The following EPHA6 variants were observed in gnomAD, a reference collection of about 807,000 sequenced individuals.
EPHA6 encodes EPH receptor A6.
EPHA6 carries 50 observed loss-of-function variants against 112.0 expected under a neutral mutation model. That is an observed-to-expected ratio of 0.45 (90% CI 0.36 to 0.56). The LOEUF is 0.56. EPHA6 is among the 20% of genes least tolerant of loss of function. EPHA6 has a pLI of 0.00. For synonymous variants in EPHA6, 529 were observed against 490.7 expected (o/e 1.08, Z -1.03); for missense variants, 1,280 against 1,417.4 (o/e 0.90, Z 1.56).
At chr3:97,173,783 T>C (rs2076760285) in intron 3 of EPHA6, among the ~76,000 whole-genome samples, 1 of 151,836 alleles carries the variant, frequency 6.6e-6, no homozygotes, top group Non-Finnish European at 1.5e-5. Flanking sequence ...TATATAGTTA[T>C]AAAGTACATG....
intron 5 of EPHA6, among the ~76,000 whole-genome samples, chr3:97,382,112 C>T (rs114137081): frequency 0.012 from 1,787 of 152,054 alleles, 36 homozygotes; most frequent in African/African-American, 0.04. Flanking sequence ...CTATTGTATG[C>T]ATGATGAGCA....
At chr3:97,274,699 G>T (rs1228693610) in intron 5 of EPHA6, among the ~76,000 whole-genome samples, 2 of 152,142 alleles carry the variant, frequency 1.3e-5, no homozygotes, top group African/African-American at 4.8e-5. Flanking sequence ...CTGGTGAGTG[G>T]CAATTAGGCC....
chr3:97,619,492 T>C (rs1273521076), intron 13 of EPHA6, among the ~76,000 whole-genome samples: 1 of 151,026 alleles, frequency 6.6e-6, no homozygotes, highest in Non-Finnish European at 1.5e-5. Context: ...TGTTTGTAGA[T>C]TACATGATCC....
intron 2 of EPHA6, among the ~76,000 whole-genome samples, chr3:96,876,691 A>C (rs926927086): frequency 6.6e-6 from 1 of 152,016 alleles, no homozygotes; most frequent in Non-Finnish European, 1.5e-5. Flanking sequence ...CCTTTTTGGT[A>C]GTTTCTTCCA....
At chr3:97,643,239 G>T (rs1237800701) in intron 14 of EPHA6, among the ~76,000 whole-genome samples, 2 of 149,142 alleles carry the variant, frequency 1.3e-5, no homozygotes, top group African/African-American at 4.9e-5. Context: ...ACAAGCAAAT[G>T]CTGAGAGATT....
intron 6 of EPHA6, among the ~76,000 whole-genome samples, chr3:97,438,233 A>G (rs902966770): frequency 1.3e-5 from 2 of 152,202 alleles, no homozygotes; most frequent in African/African-American, 4.8e-5. Context: ...CAGACGGGAA[A>G]GTTAAAACTG....
In EPHA6 at chr3:97,448,690, T is replaced by C. The variant is rs1458839052; in HGVS notation, c.1854T>C (p.Ser618=). The part of the protein sequence containing the change: ...HIRVRTATGY[S]GYSQKFEFET... ...GAGTGAGAACTGCGACAGGATACAG[T>C]GGCTACAGTCAGAAATTTGAATTTG... Residue 618 remains serine (S), a synonymous_variant, in exon 7 of 18, where the codon AGT becomes AGC. Transcript: ENST00000389672. The C allele has an allele frequency of 2.5e-6, 4 of 1,613,392 alleles. No homozygotes were observed. Among genetic ancestry groups the C allele is most frequent in the African/African-American group, 2.7e-5 (2 of 74,894 alleles).
intron 2 of EPHA6, among the ~76,000 whole-genome samples, chr3:96,879,115 T>A (rs981445276): frequency 2.6e-5 from 4 of 152,094 alleles, no homozygotes; most frequent in African/African-American, 9.7e-5. Flanking sequence ...GTTTTCATTA[T>A]TTCACTGAAA....
At position 96,987,979 on chromosome 3, in the gene EPHA6, AG is replaced by A; in HGVS notation, c.1103del (p.Gly368ValfsTer28). 1 of 1,565,740 alleles carries A rather than the reference AG, an allele frequency of 6.4e-7. No homozygotes were observed. The stretch of plus-strand genomic sequence containing the variant: ...TGCAGTACAGGATATGAAGAAATTG[AG>A]GGTTCTTGCCATGGTAAGAAACAAA... The part of the protein sequence containing the change: ...CICSTGYEEI[E>X]GSCHACRPGF... On this transcript the variant is annotated frameshift_variant, in exon 3 of 18. Coordinates refer to ENST00000389672, the MANE Select transcript of EPHA6 (RefSeq NM_001080448.3). LOFTEE classifies it high-confidence loss of function.
intron 15 of EPHA6, among the ~76,000 whole-genome samples, chr3:97,724,935 G>A (rs2034692338): frequency 6.6e-6 from 1 of 151,904 alleles, no homozygotes; most frequent in South Asian, 2.1e-4. Flanking sequence ...ACAATACTGT[G>A]TGAAAACACA....
rs547954598 is a variant in EPHA6, at chr3:97,344,913, G to A, written c.1607-60237G>A. On this transcript the variant is annotated intron_variant, in intron 5 of 17. Coordinates refer to ENST00000389672, the MANE Select transcript of EPHA6 (RefSeq NM_001080448.3). ...AAAAGAAGGGAAGAAAGAAATGAAG[G>A]AACAAAAGAAGGAAGGAGAAAGAAT... Among the ~76,000 whole-genome samples the A allele has an allele frequency of 5.9e-5, 9 of 152,058 alleles. No homozygotes were observed. In the East Asian group the frequency reaches 1.2e-3, roughly 20 times the overall value.
chr3:97,564,853 A>T (rs1444519896), intron 11 of EPHA6, among the ~76,000 whole-genome samples: 1 of 152,202 alleles, frequency 6.6e-6, no homozygotes, highest in African/African-American at 2.4e-5. Context: ...CAGAGGTCGT[A>T]AGAGAATGAA....
At chr3:97,598,269 T>G (rs1230777962) in intron 12 of EPHA6, among the ~76,000 whole-genome samples, 1 of 152,082 alleles carries the variant, frequency 6.6e-6, no homozygotes, top group Non-Finnish European at 1.5e-5. Flanking sequence ...GTTAAGTTTT[T>G]TTTTTATTAT....
At position 96,967,373 on chromosome 3, in the gene EPHA6, A is replaced by G. The variant is rs562157230; in HGVS notation, c.451-19957A>G. On this transcript the variant is annotated intron_variant, in intron 2 of 17. Transcript: ENST00000389672. ...TTTATAATTAAATTTTTCATTTACT[A>G]GTATATTATGAATACTTTTCCAAGT... Among the ~76,000 whole-genome samples the G allele has an allele frequency of 1.1e-4, 16 of 151,670 alleles. No homozygotes were observed. In the South Asian group the frequency reaches 3.1e-3, roughly 29 times the overall value.
intron 16 of EPHA6, among the ~76,000 whole-genome samples, chr3:97,743,023 C>T (rs555483292): frequency 1.3e-5 from 2 of 152,152 alleles, no homozygotes; most frequent in African/African-American, 4.8e-5. Flanking sequence ...CAGGTGAACC[C>T]TTAACCCTAA....
intron 5 of EPHA6, among the ~76,000 whole-genome samples, chr3:97,319,812 A>G (rs1035857965): frequency 2.6e-5 from 4 of 152,000 alleles, no homozygotes; most frequent in African/African-American, 9.7e-5. Context: ...AAAGTAAAGT[A>G]TATCTTTTAG....
intron 5 of EPHA6, among the ~76,000 whole-genome samples, chr3:97,379,704 G>A (rs768467578): frequency 2.2e-5 from 3 of 133,748 alleles, no homozygotes; most frequent in East Asian, 2.2e-4. Flanking sequence ...AGCTGAGATC[G>A]TGCCATTCCA....
At chr3:96,970,379 CAT>C (rs894427120) in intron 2 of EPHA6, among the ~76,000 whole-genome samples, 2 of 151,910 alleles carry the variant, frequency 1.3e-5, no homozygotes, top group Non-Finnish European at 2.9e-5. Context: ...TCCAGTGAGT[CAT>C]GTGATGTTTG....
intron 2 of EPHA6, among the ~76,000 whole-genome samples, chr3:96,870,282 C>T (rs947604675): frequency 2.0e-5 from 3 of 151,996 alleles, no homozygotes; most frequent in African/African-American, 4.8e-5. Flanking sequence ...TCCAAAGGCC[C>T]GGGGAGTGGG....
Sources: allele counts gnomAD v4.1 joint callset (sites outside exome capture counted in the v4.1 genomes callset), GRCh38; gene constraint gnomAD v4.1.1; transcripts MANE v1.5; gene names NCBI Gene and HGNC (gene_info 2026-07-23, HGNC 2026-07-21).